CFAP47: variants seen among roughly 807,000 people sequenced by gnomAD.
CFAP47 encodes cilia- and flagella-associated protein 47.
A neutral mutation model predicts 148.1 loss-of-function variants in CFAP47; 29 were observed. The observed-to-expected ratio is 0.20, with a 90% CI of 0.15 to 0.27. CFAP47 has a LOEUF of 0.27. Ranked by LOEUF, CFAP47 falls within the 10% of genes least tolerant of loss-of-function variation. The probability of loss-of-function intolerance (pLI) is 1.00; values close to 1 mark genes in which losing one functional copy is unlikely to be tolerated. For synonymous variants in CFAP47, 664 were observed against 577.3 expected, an observed-to-expected ratio of 1.15 and a Z score of -2.15; for missense variants, 1,872 against 1,697.5, an observed-to-expected ratio of 1.10 and a Z score of -1.81.
chrX:36,351,920 A>G (rs1234148436), intron 59 of CFAP47, among the ~76,000 whole-genome samples: 1 of 111,790 alleles, frequency 8.9e-6, no homozygotes, highest in Non-Finnish European at 1.9e-5. Context: ...GATATAACCT[A>G]CTGCTTTCCC....
chrX:36,363,179 T>A (rs1163676588), intron 61 of CFAP47, among the ~76,000 whole-genome samples: 1 of 111,890 alleles, frequency 8.9e-6, no homozygotes, highest in Non-Finnish European at 1.9e-5. Flanking sequence ...TATATATGCA[T>A]ATATTCATTT....
At chrX:36,331,314 A>G (rs1305071201) in intron 57 of CFAP47, among the ~76,000 whole-genome samples, 1 of 110,545 alleles carries the variant, frequency 9.0e-6, no homozygotes, top group Non-Finnish European at 1.9e-5. Flanking sequence ...TTCTGCTCTT[A>G]TATGCCATCA....
intron 22 of CFAP47, among the ~76,000 whole-genome samples, chrX:36,028,449 G>A (rs771247750): frequency 1.4e-4 from 16 of 111,317 alleles, no homozygotes; most frequent in African/African-American, 5.2e-4. Flanking sequence ...TCTCTAGATT[G>A]CTTTGGGCAG....
intron 22 of CFAP47, among the ~76,000 whole-genome samples, chrX:36,021,705 C>A (rs1277732212): frequency 2.5e-5 from 2 of 80,736 alleles, no homozygotes; most frequent in South Asian, 9.4e-4. Context: ...GTGTGATGTT[C>A]CCCTCCCTGT....
chrX:36,183,576 A>G (rs1252650010), intron 40 of CFAP47, among the ~76,000 whole-genome samples: 1 of 112,071 alleles, frequency 8.9e-6, no homozygotes, highest in Non-Finnish European at 1.9e-5. Context: ...AATAGTAAGC[A>G]TTGTTAAACT....
chrX:35,921,809 A>T (rs145923069), intron 1 of CFAP47, among the ~76,000 whole-genome samples: 1,664 of 110,763 alleles, frequency 0.015, 33 homozygotes, highest in African/African-American at 0.051. Context: ...AAAAGTAAAA[A>T]CAAGGTGCTG....
intron 57 of CFAP47, among the ~76,000 whole-genome samples, chrX:36,319,649 C>T (rs1273653154): frequency 9.1e-6 from 1 of 110,460 alleles, no homozygotes; most frequent in African/African-American, 3.3e-5. Context: ...GTTAAAACTA[C>T]TGGTACTAAT....
intron 30 of CFAP47, among the ~76,000 whole-genome samples, chrX:36,098,275 G>A (rs1938313397): frequency 9.0e-6 from 1 of 111,517 alleles, no homozygotes; most frequent in Admixed American, 9.5e-5. Flanking sequence ...CTCTCTGAAA[G>A]GTCATGTATC....
intron 57 of CFAP47, among the ~76,000 whole-genome samples, chrX:36,320,106 G>A (rs1212960318): frequency 1.8e-5 from 2 of 111,410 alleles, no homozygotes; most frequent in Non-Finnish European, 3.8e-5. Flanking sequence ...GCTTACAGGG[G>A]TGAGCCACCA....
intron 2 of CFAP47, among the ~76,000 whole-genome samples, chrX:35,935,343 C>T (rs1049879335): frequency 9.0e-6 from 1 of 111,637 alleles, no homozygotes; most frequent in African/African-American, 3.3e-5. Flanking sequence ...TCTGCTGTGA[C>T]AGGGCAGCAG....
intron 29 of CFAP47, among the ~76,000 whole-genome samples, chrX:36,083,557 T>C (rs918468483): frequency 8.9e-6 from 1 of 111,777 alleles, no homozygotes; most frequent in African/African-American, 3.2e-5. Flanking sequence ...AAAATGACTA[T>C]AATAACTCAT....
At chrX:36,057,472 T>C (rs1937563646) in intron 26 of CFAP47, among the ~76,000 whole-genome samples, 1 of 111,824 alleles carries the variant, frequency 8.9e-6, no homozygotes, top group Non-Finnish European at 1.9e-5. Context: ...AGGCAGCATA[T>C]ATACATGTCA....
At chrX:36,124,049 C>T (rs1310438976) in intron 33 of CFAP47, among the ~76,000 whole-genome samples, 1 of 111,336 alleles carries the variant, frequency 9.0e-6, no homozygotes, top group Non-Finnish European at 1.9e-5. Context: ...CAGTGGGTTC[C>T]CTTCTGGCTC....
chrX:35,964,234 A>C (rs1258889667), intron 8 of CFAP47, among the ~76,000 whole-genome samples: 1 of 111,713 alleles, frequency 9.0e-6, no homozygotes, highest in East Asian at 2.8e-4. Flanking sequence ...TTTGCTAGTT[A>C]TAGAATTTTG....
chrX:36,132,911 C>T (rs182044123), intron 33 of CFAP47, among the ~76,000 whole-genome samples: 94 of 111,592 alleles, frequency 8.4e-4, no homozygotes, highest in African/African-American at 2.8e-3. Flanking sequence ...CTGTTTTCTT[C>T]CACCCTTATA....
chrX:36,260,080 T>C (rs782678228), intron 49 of CFAP47, among the ~76,000 whole-genome samples: 3 of 85,274 alleles, frequency 3.5e-5, no homozygotes, highest in Non-Finnish European at 6.0e-5. Flanking sequence ...TTCCATGGTG[T>C]GTGTGTGTGT....
At chrX:35,953,065 T>A (rs890690906) in intron 6 of CFAP47, among the ~76,000 whole-genome samples, 2 of 112,385 alleles carry the variant, frequency 1.8e-5, no homozygotes, top group African/African-American at 6.5e-5. Flanking sequence ...CCTATTTCCC[T>A]TCTTCCTAGC....
At chrX:36,067,450 A>G (rs1937658169) in intron 27 of CFAP47, among the ~76,000 whole-genome samples, 1 of 110,175 alleles carries the variant, frequency 9.1e-6, no homozygotes, top group South Asian at 3.9e-4. Context: ...TCTCTCTCAC[A>G]CTCCACTTCC....
intron 49 of CFAP47, among the ~76,000 whole-genome samples, chrX:36,262,030 AAGTC>A (rs1368535121): frequency 8.9e-6 from 1 of 112,013 alleles, no homozygotes; most frequent in Non-Finnish European, 1.9e-5. Flanking sequence ...GTATAGTTTC[AAGTC>A]AGGTAGTGTG....
Sources: allele counts gnomAD v4.1 joint callset (sites outside exome capture counted in the v4.1 genomes callset), GRCh38; gene constraint gnomAD v4.1.1; transcripts MANE v1.5; gene names NCBI Gene and HGNC (gene_info 2026-07-23, HGNC 2026-07-21).